ANKRD26: variants seen among roughly 807,000 people sequenced by gnomAD.
The protein encoded by ANKRD26 is ankyrin repeat domain 26.
Under a neutral mutation model 208.7 loss-of-function variants are expected in ANKRD26, and 141 were observed. The ratio of observed to expected loss-of-function variants is 0.68; its 90% CI spans 0.59 to 0.78. The LOEUF (loss-of-function observed/expected upper bound fraction) is 0.78, where lower values mean the gene tolerates loss of function less well. ANKRD26 is among the 30% of genes least tolerant of loss of function. The probability of loss-of-function intolerance (pLI) is 0.00; values close to 1 mark genes in which losing one functional copy is unlikely to be tolerated. For synonymous variants in ANKRD26, 636 were observed against 660.4 expected (o/e 0.96, Z 0.57); for missense variants, 1,889 against 1,938.7 (o/e 0.97, Z 0.48).
intron 17 of ANKRD26, among the ~76,000 whole-genome samples, 191 bp from the exon 18 acceptor site, chr10:27,046,714 C>T (rs987120371): frequency 6.6e-6 from 1 of 152,024 alleles, no homozygotes; most frequent in Non-Finnish European, 1.5e-5. Context: ...AATTCATTCA[C>T]TAATTCAAAA....
downstream of ANKRD26, among the ~76,000 whole-genome samples, chr10:26,972,659 T>A (rs143254482): frequency 6.6e-6 from 1 of 150,818 alleles, no homozygotes; most frequent in Non-Finnish European, 1.5e-5. Context: ...GGTGTGATCT[T>A]GGCTCACTGC....
chr10:26,990,902 C>T (rs574493558), downstream of ANKRD26, among the ~76,000 whole-genome samples: 4 of 152,282 alleles, frequency 2.6e-5, no homozygotes, highest in Admixed American at 1.3e-4. Context: ...AATAAACTAA[C>T]GTTTAGTCAT....
At chr10:27,074,065 T>C (rs1463101159) in intron 9 of ANKRD26, among the ~76,000 whole-genome samples, 1 of 151,164 alleles carries the variant, frequency 6.6e-6, no homozygotes, top group African/African-American at 2.4e-5. Context: ...TTACAAGAAA[T>C]AGTCCACCCA....
chr10:27,003,155 T>C (rs1348433247), downstream of ANKRD26, among the ~76,000 whole-genome samples: 1 of 152,156 alleles, frequency 6.6e-6, no homozygotes, highest in Admixed American at 6.6e-5. Context: ...GTACTTAATA[T>C]ATATTCAGGA....
chr10:27,078,910 T>C (rs1003486561), intron 7 of ANKRD26, among the ~76,000 whole-genome samples, 179 bp downstream of exon 7: 1 of 74,596 alleles, frequency 1.3e-5, no homozygotes, highest in Admixed American at 1.3e-4. Flanking sequence ...TTTACCAAAG[T>C]AAAAAAAAAA....
intron 5 of ANKRD26, among the ~76,000 whole-genome samples, chr10:26,979,212 C>G (rs959539717): frequency 1.2e-4 from 18 of 152,220 alleles, no homozygotes; most frequent in Middle Eastern, 6.8e-3. Flanking sequence ...GAGCGAGACT[C>G]CATCTCAAAA....
Position 27,012,889 on chromosome 10 carries a change from A to G in ANKRD26, c.4946T>C (p.Leu1649Ser), listed in dbSNP as rs201953836. The change falls in exon 32 of 34, where the codon TTG becomes TCG. Residue 1649 changes from leucine (L) to serine (S), a missense_variant. Leu to Ser is a moderately radical substitution (Grantham distance 145, BLOSUM62 -2). Around this residue, in one of 3 missense-constraint regions of ANKRD26, gnomAD observed 613 missense variants for 648.2 expected, o/e 0.95. Coordinates refer to ENST00000376087, the MANE Select transcript of ANKRD26 (RefSeq NM_014915.3). ...AAAGACAACATAACTAACCTTGCTC[A>G]AGTAGTTCTCCATGCTATTATTTGA... ...RASNNSMENYLSKMQQELEKN... is the reference protein window; with the variant it reads ...RASNNSMENYSSKMQQELEKN... The G allele has an allele frequency of 6.8e-6, 11 of 1,612,976 alleles. No individual in the cohort carries two copies. Among genetic ancestry groups the G allele is most frequent in the South Asian group, 2.2e-5 (2 of 91,066 alleles).
intron 12 of ANKRD26, among the ~76,000 whole-genome samples, chr10:27,061,657 C>T (rs1265146300): frequency 6.7e-6 from 1 of 150,100 alleles, no homozygotes; most frequent in Admixed American, 6.7e-5. Context: ...GCCTCAACCT[C>T]CCAGGCTCAA....
chr10:27,077,830 T>G (rs966781673), intron 7 of ANKRD26, 137 bp from the exon 8 acceptor site: 1 of 784,152 alleles, frequency 1.3e-6, no homozygotes, highest in African/African-American at 1.7e-5. Flanking sequence ...AGATGTAGAT[T>G]TAAACCTCAG....
At chr10:26,985,771 A>T (rs2052376225) in intron 3 of ANKRD26, among the ~76,000 whole-genome samples, 1 of 152,172 alleles carries the variant, frequency 6.6e-6, no homozygotes, top group Admixed American at 6.5e-5. Flanking sequence ...CAAAGTCATG[A>T]GCAACACCAA....
At chr10:27,092,262 T>A (rs1368754216) in intron 4 of ANKRD26, 144 bp downstream of exon 4, 6 of 639,914 alleles carry the variant, frequency 9.4e-6, no homozygotes, top group African/African-American at 1.8e-5. Context: ...TTAATATTTC[T>A]GACTTGAGTG....
chr10:27,070,565 G>T (rs1461239813), intron 9 of ANKRD26, among the ~76,000 whole-genome samples: 1 of 152,136 alleles, frequency 6.6e-6, no homozygotes, highest in African/African-American at 2.4e-5. Flanking sequence ...TATGAGCAAG[G>T]TTTAACAACT....
At chr10:27,076,453 C>T (rs1185356151) in intron 9 of ANKRD26, among the ~76,000 whole-genome samples, 2 of 151,828 alleles carry the variant, frequency 1.3e-5, no homozygotes, top group Non-Finnish European at 2.9e-5. Flanking sequence ...TTAGTAGAGA[C>T]GGAGTTTCAC....
At chr10:26,978,832 T>C (rs1286854166) in intron 5 of ANKRD26, among the ~76,000 whole-genome samples, 4 of 152,140 alleles carry the variant, frequency 2.6e-5, no homozygotes, top group Non-Finnish European at 4.4e-5. Context: ...CTTGTCAGAG[T>C]TCTAGATTCC....
chr10:26,980,029 A>G (rs536182728), intron 5 of ANKRD26, among the ~76,000 whole-genome samples: 107 of 152,320 alleles, frequency 7.0e-4, no homozygotes, highest in African/African-American at 2.3e-3. Context: ...GGTGTTTTAC[A>G]AGAGTGGCTA....
chr10:27,052,964 AT>A (rs974245536), intron 16 of ANKRD26, among the ~76,000 whole-genome samples: 1 of 152,190 alleles, frequency 6.6e-6, no homozygotes, highest in African/African-American at 2.4e-5. Context: ...CAGTGTTAAA[AT>A]GTTCATAATT....
chr10:26,957,554 GA>G, the ANKRD26 span, among the ~76,000 whole-genome samples: 1 of 152,138 alleles, frequency 6.6e-6, no homozygotes, highest in Non-Finnish European at 1.5e-5. Flanking sequence ...GCACATTCTG[GA>G]AATAAAGCAA....
chr10:26,997,318 T>C (rs888319268), intron 4 of ANKRD26, among the ~76,000 whole-genome samples: 2 of 152,222 alleles, frequency 1.3e-5, no homozygotes, highest in Admixed American at 1.3e-4. Context: ...CAAGGTGGGA[T>C]TTATAACAGA....
intron 9 of ANKRD26, among the ~76,000 whole-genome samples, chr10:27,069,589 G>T (rs916367658): frequency 6.6e-6 from 1 of 152,088 alleles, no homozygotes; most frequent in Non-Finnish European, 1.5e-5. Flanking sequence ...AATTACAGGC[G>T]TGAGCCACTG....
Sources: allele counts gnomAD v4.1 joint callset (sites outside exome capture counted in the v4.1 genomes callset), GRCh38; gene constraint gnomAD v4.1.1; regional missense constraint gnomAD v4.1.1; transcripts MANE v1.5; gene names NCBI Gene and HGNC (gene_info 2026-07-23, HGNC 2026-07-21).